Variants in DNM3 observed in about 807,000 individuals in gnomAD.
DNM3 encodes the protein dynamin-3.
In DNM3, 47 loss-of-function variants were observed where a neutral mutation model predicts 101.6. That is an observed-to-expected ratio of 0.46 (90% CI 0.37 to 0.59). DNM3 has a LOEUF of 0.59. Among genes scored for constraint, DNM3 ranks in the 20% least tolerant of loss-of-function variants. The pLI, the probability that DNM3 is intolerant of heterozygous loss-of-function variation, is 0.00. For missense variants in DNM3, 849 were observed against 1,085.7 expected, an observed-to-expected ratio of 0.78 and a Z score of 3.06; for synonymous variants, 385 against 387.9, an observed-to-expected ratio of 0.99 and a Z score of 0.09.
chr1:172,017,109 T>G (rs1161696713), intron 4 of DNM3, among the ~76,000 whole-genome samples: 1 of 152,218 alleles, frequency 6.6e-6, no homozygotes, highest in Non-Finnish European at 1.5e-5. Flanking sequence ...TATCTGACAT[T>G]AGTAATTTGC....
At chr1:172,313,428 A>G (rs1012823988) in intron 16 of DNM3, among the ~76,000 whole-genome samples, 2 of 152,252 alleles carry the variant, frequency 1.3e-5, no homozygotes, top group Non-Finnish European at 2.9e-5. Context: ...AAAGAACATG[A>G]TATAACAAAC....
intron 15 of DNM3, among the ~76,000 whole-genome samples, chr1:172,297,445 G>A (rs2064222545): frequency 6.6e-6 from 1 of 152,000 alleles, no homozygotes. Context: ...CTGGTAAAGG[G>A]AAAATACTTG....
intron 2 of DNM3, among the ~76,000 whole-genome samples, chr1:171,956,678 G>A (rs1258465824): frequency 6.6e-6 from 1 of 152,190 alleles, no homozygotes; most frequent in Non-Finnish European, 1.5e-5. Flanking sequence ...CTCTGTGTGA[G>A]GGCTCTGACT....
At chr1:172,331,198 G>C (rs996686122) in intron 17 of DNM3, among the ~76,000 whole-genome samples, 1 of 152,054 alleles carries the variant, frequency 6.6e-6, no homozygotes, top group African/African-American at 2.4e-5. Flanking sequence ...ACCTGTCAGC[G>C]CTGTTGACTA....
chr1:172,026,152 G>A (rs10157345), intron 4 of DNM3, among the ~76,000 whole-genome samples: 56,682 of 151,618 alleles, frequency 0.37, 11,115 homozygotes, highest in East Asian at 0.64. Context: ...CGAGAACTTC[G>A]TGAAGCATAC....
chr1:171,886,483 T>C (rs2036784739), intron 1 of DNM3, among the ~76,000 whole-genome samples: 1 of 152,188 alleles, frequency 6.6e-6, no homozygotes, highest in Non-Finnish European at 1.5e-5. Context: ...GGTATCACTG[T>C]GGCTGGAACA....
chr1:172,222,930 T>G (rs2060962786), intron 14 of DNM3, among the ~76,000 whole-genome samples: 1 of 152,152 alleles, frequency 6.6e-6, no homozygotes. Context: ...CTTTTTAAAT[T>G]TTTTAAGTGT....
At chr1:172,275,200 G>T (rs1424903252) in intron 15 of DNM3, among the ~76,000 whole-genome samples, 1 of 151,938 alleles carries the variant, frequency 6.6e-6, no homozygotes, top group Non-Finnish European at 1.5e-5. Context: ...TCATAGATTA[G>T]AACACATGGT....
chr1:172,189,245 T>C (rs576793498), intron 14 of DNM3, among the ~76,000 whole-genome samples: 1 of 152,202 alleles, frequency 6.6e-6, no homozygotes, highest in South Asian at 2.1e-4. Flanking sequence ...AATACCATAC[T>C]CTCTTTATTA....
chr1:172,317,330 T>C (rs2065431890), intron 16 of DNM3, among the ~76,000 whole-genome samples: 1 of 151,026 alleles, frequency 6.6e-6, no homozygotes, highest in African/African-American at 2.4e-5. Flanking sequence ...TTAAAAGAAC[T>C]AGAAAAGCAA....
intron 16 of DNM3, among the ~76,000 whole-genome samples, chr1:172,311,694 A>C (rs923482862): frequency 6.6e-5 from 10 of 152,222 alleles, no homozygotes; most frequent in African/African-American, 2.4e-4. Context: ...CTGGATTTTT[A>C]TGTATCCATA....
intron 15 of DNM3, among the ~76,000 whole-genome samples, chr1:172,307,633 A>C (rs1414904294): frequency 6.6e-6 from 1 of 152,240 alleles, no homozygotes; most frequent in Non-Finnish European, 1.5e-5. Flanking sequence ...CCAAATGTCC[A>C]TCAATGATAG....
chr1:171,899,485 A>G (rs977535885), intron 1 of DNM3, among the ~76,000 whole-genome samples: 2 of 152,212 alleles, frequency 1.3e-5, no homozygotes, highest in Admixed American at 1.3e-4. Flanking sequence ...TTCCTTGCCT[A>G]CTTTGCATTA....
At chr1:172,157,997 CA>C (rs1381399403) in intron 14 of DNM3, among the ~76,000 whole-genome samples, 1 of 151,834 alleles carries the variant, frequency 6.6e-6, no homozygotes, top group Non-Finnish European at 1.5e-5. Context: ...ATTTAACAGA[CA>C]AAAATCCTGC....
intron 2 of DNM3, among the ~76,000 whole-genome samples, chr1:171,932,111 C>A (rs2125371141): frequency 7.1e-6 from 1 of 141,228 alleles, no homozygotes; most frequent in Admixed American, 7.2e-5. Flanking sequence ...TCCCTTCCTC[C>A]CTTCCTTCCT....
intron 14 of DNM3, among the ~76,000 whole-genome samples, chr1:172,250,928 CA>C (rs2062142964): frequency 6.6e-6 from 1 of 152,222 alleles, no homozygotes; most frequent in African/African-American, 2.4e-5. Flanking sequence ...TAAGAAAAAA[CA>C]GGTGAAATTA....
intron 15 of DNM3, among the ~76,000 whole-genome samples, chr1:172,305,510 G>A (rs976549871): frequency 6.6e-6 from 1 of 152,124 alleles, no homozygotes. Flanking sequence ...GAAAAAGAGG[G>A]AATCCTCCCT....
chr1:171,968,786 GA>G lies in DNM3; in HGVS notation c.236-18862del, dbSNP rs879870630. 3.8e-3 allele frequency among the ~76,000 whole-genome samples: 583 copies of G among 151,724 alleles called. 14 individuals carry two copies. Among genetic ancestry groups the G allele is most frequent in the Admixed American group, 0.032 (494 of 15,234 alleles). On this transcript the variant is annotated intron_variant, in intron 2 of 20. Coordinates refer to ENST00000627582, the MANE Select transcript of DNM3 (RefSeq NM_015569.5). ...ATTTGCTTACTAAGCTATACTAAGG[GA>G]AAAAAAATGGGACTAAATTTAAATA...
chr1:172,316,881 A>T (rs1449909620), intron 16 of DNM3, among the ~76,000 whole-genome samples: 1 of 152,214 alleles, frequency 6.6e-6, no homozygotes, highest in African/African-American at 2.4e-5. Flanking sequence ...GCTCTGCACC[A>T]AGCGGACCTA....
Sources: gnomAD v4.1 joint callset for allele counts (sites outside exome capture counted in the v4.1 genomes callset) on GRCh38, gnomAD v4.1.1 for gene constraint, MANE v1.5 for transcripts, NCBI Gene and HGNC (gene_info 2026-07-23, HGNC 2026-07-21) for gene names.